Variants in ATXN2 observed in about 807,000 individuals in gnomAD.
ATXN2 encodes ataxin-2.
In ATXN2, 37 loss-of-function variants were observed where a neutral mutation model predicts 138.6. The observed-to-expected ratio is 0.27, with a 90% CI of 0.21 to 0.35. The LOEUF (loss-of-function observed/expected upper bound fraction) is 0.35, where lower values mean the gene tolerates loss of function less well. Among genes scored for constraint, ATXN2 ranks in the 10% least tolerant of loss-of-function variants. The pLI, the probability that ATXN2 is intolerant of heterozygous loss-of-function variation, is 1.00. For missense variants in ATXN2, 1,216 were observed against 1,480.3 expected (o/e 0.82, Z 2.93); for synonymous variants, 549 against 543.7 (o/e 1.01, Z -0.13).
At chr12:111,495,705 A>G (rs1446513333) in intron 14 of ATXN2, among the ~76,000 whole-genome samples, 1 of 152,200 alleles carries the variant, frequency 6.6e-6, no homozygotes. Context: ...CAACAAAGAA[A>G]CATTAGACCT....
intron 18 of ATXN2, among the ~76,000 whole-genome samples, chr12:111,472,604 G>A (rs12300759): frequency 0.02 from 3,080 of 152,154 alleles, 107 homozygotes; most frequent in African/African-American, 0.069. Flanking sequence ...AGTGTCGCTC[G>A]GTTGCCCAAG....
At chr12:111,533,014 G>A (rs1880929454) in intron 5 of ATXN2, among the ~76,000 whole-genome samples, 2 of 152,202 alleles carry the variant, frequency 1.3e-5, no homozygotes, top group African/African-American at 4.8e-5. Flanking sequence ...GAGGAACAGA[G>A]AACACTGTGA....
At chr12:111,456,780 C>T (rs769509714) in intron 22 of ATXN2, among the ~76,000 whole-genome samples, 9 of 152,044 alleles carry the variant, frequency 5.9e-5, no homozygotes, top group Non-Finnish European at 1.3e-4. Context: ...GACAGAGTCT[C>T]GCTGTTGTCC....
In ATXN2 at chr12:111,529,263, A is replaced by G. The variant is rs190386891; in HGVS notation, c.572-3947T>C. 4.2e-3 allele frequency among the ~76,000 whole-genome samples: 643 copies of G among 152,366 alleles called. 6 individuals carry two copies. The highest frequency in any genetic ancestry group is 0.015 in the African/African-American group (623 of 41,584). The stretch of plus-strand genomic sequence containing the variant: ...TTTGCATGCAGATTTTACCAATGCC[A>G]TAAGTCAAAGAATATTAATTTTCCA... On this transcript the variant is annotated intron_variant, in intron 5 of 24. Transcript: ENST00000673436.
chr12:111,592,935 C>T (rs1884751070), intron 1 of ATXN2, among the ~76,000 whole-genome samples: 2 of 151,226 alleles, frequency 1.3e-5, no homozygotes, highest in Admixed American at 6.6e-5. Flanking sequence ...AATACTATCA[C>T]TAGTCAAAAC....
chr12:111,524,056 C>CT (rs1880339019), intron 6 of ATXN2, among the ~76,000 whole-genome samples: 1 of 152,196 alleles, frequency 6.6e-6, no homozygotes, highest in Non-Finnish European at 1.5e-5. Context: ...CAGAAAGACT[C>CT]TATCAATTTA....
At chr12:111,597,081 T>C (rs1405032808) in intron 1 of ATXN2, among the ~76,000 whole-genome samples, 5 of 148,952 alleles carry the variant, frequency 3.4e-5, no homozygotes, top group East Asian at 2.0e-4. Context: ...GTTACCCTAC[T>C]TGGGGAAACG....
At chr12:111,457,422 A>G in intron 21 of ATXN2, 63 bp from the exon 22 acceptor site, 3 of 1,517,814 alleles carry the variant, frequency 2.0e-6, no homozygotes, top group Non-Finnish European at 2.7e-6. Flanking sequence ...TCGCTCCTCT[A>G]CACTTCATCA....
Position 111,457,026 on chromosome 12 carries a change from G to A in ATXN2, c.3042+188C>T, listed in dbSNP as rs557942448. 1.1e-4 allele frequency among the ~76,000 whole-genome samples: 16 copies of A among 152,288 alleles called. No homozygotes were observed. In the South Asian group the frequency reaches 3.1e-3, roughly 30 times the overall value. On this transcript the variant is annotated intron_variant, in intron 22 of 24. Transcript: ENST00000673436. The stretch of plus-strand genomic sequence containing the variant: ...GCCTCCCAAAGTGGTGGGATTACAG[G>A]CGTGAGCCACTGCGCCCAGCCTTTA...
intron 2 of ATXN2, among the ~76,000 whole-genome samples, chr12:111,555,195 T>C (rs1882324274): frequency 6.6e-6 from 1 of 152,122 alleles, no homozygotes; most frequent in Admixed American, 6.6e-5. Flanking sequence ...CATAAAGAAC[T>C]CTGCAGACTC....
At chr12:111,559,697 C>T (rs947281000) in intron 1 of ATXN2, among the ~76,000 whole-genome samples, 6 of 148,082 alleles carry the variant, frequency 4.1e-5, no homozygotes, top group African/African-American at 9.9e-5. Flanking sequence ...CACTTGAACC[C>T]GGGAAGTGGA....
chr12:111,478,076 G>T (rs12300465), intron 18 of ATXN2, among the ~76,000 whole-genome samples: 1 of 151,746 alleles, frequency 6.6e-6, no homozygotes, highest in African/African-American at 2.4e-5. Context: ...AATTACAGGC[G>T]TGAGCCAGTG....
chr12:111,463,310 TTTGAGACAGAGTCTCTCTCTG>T (rs1875732081), intron 21 of ATXN2, among the ~76,000 whole-genome samples: 1 of 152,196 alleles, frequency 6.6e-6, no homozygotes. Flanking sequence ...TATTTTTTAT[TTTGAGACAGAGTCTCTCTCTG>T]TTGCCCAGGC....
intron 5 of ATXN2, among the ~76,000 whole-genome samples, chr12:111,547,944 G>C (rs1384999675): frequency 6.7e-6 from 1 of 148,318 alleles, no homozygotes; most frequent in Non-Finnish European, 1.5e-5. Context: ...TACAATCCCA[G>C]CAATTTGGGA....
intron 18 of ATXN2, among the ~76,000 whole-genome samples, chr12:111,473,740 T>C (rs1468510350): frequency 2.7e-5 from 4 of 149,418 alleles, no homozygotes; most frequent in Admixed American, 1.3e-4. Context: ...TCACTGAAAG[T>C]ACACACATCT....
At chr12:111,529,387 G>A (rs992082461) in intron 5 of ATXN2, among the ~76,000 whole-genome samples, 2 of 152,124 alleles carry the variant, frequency 1.3e-5, no homozygotes, top group Admixed American at 6.6e-5. Flanking sequence ...AGGAACTACA[G>A]GTATAGAGAG....
At chr12:111,549,072 T>C (rs1881987432) in intron 5 of ATXN2, among the ~76,000 whole-genome samples, 3 of 151,872 alleles carry the variant, frequency 2.0e-5, no homozygotes, top group Admixed American at 6.6e-5. Context: ...TGGGATCTCA[T>C]CACATGAAAC....
rs750577637 is a variant in ATXN2 at position 111,599,108 on chromosome 12, G to T, written c.-74C>A. 7.7e-7 allele frequency: 1 copy of T among 1,290,750 alleles called. No individual in the cohort carries two copies. Among genetic ancestry groups the T allele is most frequent in the South Asian group, 2.3e-5 (1 of 42,974 alleles). The allele number at this position is 1,290,750 out of a possible 1,614,324, so 80.0% of individuals were successfully genotyped here. A position where few individuals can be genotyped will look rare whatever the true frequency, so the allele number is the denominator to read the frequency against. On this transcript the variant is annotated 5_prime_UTR_variant, in exon 1 of 25. Transcript: ENST00000673436. ...AGCCGGGCGCGCCAAGGAGACGCCG[G>T]AACGCGGCGGGGACGCGCGGGCGCC...
chr12:111,563,325 A>G (rs1055878184), intron 1 of ATXN2, among the ~76,000 whole-genome samples: 1 of 152,124 alleles, frequency 6.6e-6, no homozygotes, highest in Non-Finnish European at 1.5e-5. Context: ...GTGTATATAT[A>G]TATGTAGAAT....
Sources: allele counts gnomAD v4.1 joint callset (sites outside exome capture counted in the v4.1 genomes callset), GRCh38; gene constraint gnomAD v4.1.1; transcripts MANE v1.5; gene names NCBI Gene and HGNC (gene_info 2026-07-23, HGNC 2026-07-21).